Variants in CNTN5 observed in about 807,000 individuals in gnomAD.
CNTN5 encodes contactin-5.
A neutral mutation model predicts 129.1 loss-of-function variants in CNTN5; 77 were observed. The observed-to-expected ratio is 0.60, with a 90% CI of 0.50 to 0.72. The LOEUF (loss-of-function observed/expected upper bound fraction) is 0.72. Among genes scored for constraint, CNTN5 ranks in the 30% least tolerant of loss-of-function variants. CNTN5 has a pLI of 0.00. For missense variants in CNTN5, 1,478 were observed against 1,328.8 expected (o/e 1.11, Z -1.75); for synonymous variants, 509 against 465.6 (o/e 1.09, Z -1.20).
In CNTN5 at chr11:99,956,974, T is replaced by A. The variant is rs1950819565; in HGVS notation, c.842T>A (p.Leu281His). 6.2e-7 allele frequency: 1 copy of A among 1,613,866 alleles called. No homozygotes were observed. The highest frequency in any genetic ancestry group is 8.5e-7 in the Non-Finnish European group (1 of 1,179,810). Residue 281 changes from leucine to histidine, a missense_variant, in exon 8 of 25, where the codon CTT becomes CAT. Physicochemically the swap from Leu to His is moderately conservative, Grantham distance 99. Coordinates refer to ENST00000524871, the MANE Select transcript of CNTN5 (RefSeq NM_014361.4). ...AACACAGTGACGAATGCTAGAGTCC[T>A]TAGTCCTCCAACGCCACTCACTCTG... ...VKNTVTNARV[L>H]SPPTPLTLRN...
chr11:99,814,061 A>T (rs1472984068), intron 3 of CNTN5, among the ~76,000 whole-genome samples: 2 of 152,186 alleles, frequency 1.3e-5, no homozygotes, highest in Non-Finnish European at 2.9e-5. Flanking sequence ...TTATATAGTT[A>T]TGAGAACATT....
intron 16 of CNTN5, among the ~76,000 whole-genome samples, chr11:100,225,912 T>TTA (rs142744118): frequency 6.6e-6 from 1 of 152,224 alleles, no homozygotes; most frequent in African/African-American, 2.4e-5. Context: ...TATGTTTTAG[T>TTA]TATATATATC....
At chr11:99,998,053 G>T (rs1009217075) in intron 8 of CNTN5, among the ~76,000 whole-genome samples, 2 of 152,100 alleles carry the variant, frequency 1.3e-5, no homozygotes, top group Admixed American at 6.5e-5. Context: ...ATATCATACT[G>T]AATGGGCAAA....
At chr11:99,116,271 A>C (rs1471337246) in intron 1 of CNTN5, among the ~76,000 whole-genome samples, 1 of 152,158 alleles carries the variant, frequency 6.6e-6, no homozygotes, top group South Asian at 2.1e-4. Flanking sequence ...CCACAATAAT[A>C]TTTTATATCG....
chr11:99,105,502 T>C (rs1298604255), intron 1 of CNTN5, among the ~76,000 whole-genome samples: 2 of 152,158 alleles, frequency 1.3e-5, no homozygotes, highest in African/African-American at 4.8e-5. Context: ...TCCTACAGCA[T>C]CATATTCCTA....
chr11:99,994,880 T>C (rs1444902516), intron 8 of CNTN5, among the ~76,000 whole-genome samples: 1 of 152,084 alleles, frequency 6.6e-6, no homozygotes, highest in Non-Finnish European at 1.5e-5. Context: ...AAGTAGCTAG[T>C]AGAGACACCA....
At chr11:100,078,827 T>C (rs1297121897) in intron 13 of CNTN5, among the ~76,000 whole-genome samples, 4 of 152,058 alleles carry the variant, frequency 2.6e-5, no homozygotes, top group Admixed American at 2.0e-4. Context: ...GTGGTAATGG[T>C]GATAGTGATA....
At chr11:99,791,222 C>T (rs1185350132) in intron 3 of CNTN5, among the ~76,000 whole-genome samples, 1 of 151,768 alleles carries the variant, frequency 6.6e-6, no homozygotes, top group East Asian at 1.9e-4. Context: ...TTTCTCCATT[C>T]TTATGTTCAG....
intron 3 of CNTN5, chr11:99,558,157 G>T (rs544807953): frequency 5.3e-6 from 1 of 189,522 alleles, no homozygotes; most frequent in South Asian, 8.6e-5. Flanking sequence ...ACTTAAAAAA[G>T]AAATCAAGAG....
intron 2 of CNTN5, among the ~76,000 whole-genome samples, chr11:99,504,529 CA>C (rs754621021): frequency 0.11 from 9,576 of 90,138 alleles, 214 homozygotes; most frequent in African/African-American, 0.14. Context: ...GACTCCGTCT[CA>C]AAAAAAAAAA....
chr11:99,847,097 GC>G, intron 6 of CNTN5, among the ~76,000 whole-genome samples: 1 of 152,236 alleles, frequency 6.6e-6, no homozygotes, highest in East Asian at 1.9e-4. Context: ...AATATTAGTG[GC>G]TTATACCTTA....
rs1262696184 is a variant in CNTN5, at chr11:99,866,370, T to A, written c.577+21108T>A. On this transcript the variant is annotated intron_variant, in intron 6 of 24. Transcript: ENST00000524871. The stretch of plus-strand genomic sequence containing the variant: ...TTTAAAATAAAAGCTTTTCTTTTAT[T>A]AATTACTTACCTTGTGCTTGGAACA... 2.0e-5 allele frequency among the ~76,000 whole-genome samples: 3 copies of A among 152,332 alleles called. No homozygotes were observed. The East Asian group carries it at 5.8e-4, about 29-fold the overall frequency.
chr11:99,440,979 A>C (rs1565584504), intron 2 of CNTN5, among the ~76,000 whole-genome samples: 1 of 152,072 alleles, frequency 6.6e-6, no homozygotes, highest in Admixed American at 6.6e-5. Flanking sequence ...TGGTTTTTAA[A>C]ATTTTTATTA....
chr11:99,261,182 C>G (rs1289467153), intron 1 of CNTN5, among the ~76,000 whole-genome samples: 2 of 149,564 alleles, frequency 1.3e-5, no homozygotes, highest in Admixed American at 7.0e-5. Context: ...TGAACACATA[C>G]AATGTCACAT....
At chr11:100,130,864 A>G (rs1946352228) in intron 13 of CNTN5, among the ~76,000 whole-genome samples, 1 of 152,104 alleles carries the variant, frequency 6.6e-6, no homozygotes, top group Non-Finnish European at 1.5e-5. Flanking sequence ...CAGGATTTTA[A>G]TGACTTATTG....
At chr11:99,419,832 A>G (rs1185535788) in intron 2 of CNTN5, among the ~76,000 whole-genome samples, 2 of 152,126 alleles carry the variant, frequency 1.3e-5, no homozygotes, top group East Asian at 1.9e-4. Context: ...TTATATCCCA[A>G]TTAATGACTT....
chr11:99,851,476 G>A (rs1426568839), intron 6 of CNTN5, among the ~76,000 whole-genome samples: 1 of 152,128 alleles, frequency 6.6e-6, no homozygotes, highest in Non-Finnish European at 1.5e-5. Context: ...ATAAAACTTT[G>A]TCACTCTCAC....
chr11:99,782,670 G>A (rs1034001841), intron 3 of CNTN5, among the ~76,000 whole-genome samples: 21 of 151,894 alleles, frequency 1.4e-4, no homozygotes, highest in East Asian at 1.2e-3. Context: ...CAGAAATAAC[G>A]CCGCATATCC....
chr11:99,026,826 A>G (rs1377905780), intron 1 of CNTN5, among the ~76,000 whole-genome samples: 1 of 151,616 alleles, frequency 6.6e-6, no homozygotes, highest in Non-Finnish European at 1.5e-5. Flanking sequence ...CTTATACTTC[A>G]TTTTAGACTG....
Sources: gnomAD v4.1 joint callset for allele counts (sites outside exome capture counted in the v4.1 genomes callset) on GRCh38, gnomAD v4.1.1 for gene constraint, MANE v1.5 for transcripts, NCBI Gene and HGNC (gene_info 2026-07-23, HGNC 2026-07-21) for gene names.